Variants in SLC36A1 observed in about 807,000 individuals in gnomAD.
SLC36A1 encodes the protein solute carrier family 36 member 1, also known as proton-coupled amino acid transporter 1.
Under a neutral mutation model 47.5 loss-of-function variants are expected in SLC36A1, and 30 were observed. The observed-to-expected ratio is 0.63, with a 90% CI of 0.47 to 0.86. The LOEUF is 0.86. Ranked by LOEUF, SLC36A1 falls within the 40% of genes least tolerant of loss-of-function variation. The pLI is 0.00. For synonymous variants in SLC36A1, 255 were observed against 249.7 expected (o/e 1.02, Z -0.20); for missense variants, 517 against 606.0 (o/e 0.85, Z 1.54).
the SLC36A1 span, chr5:151,543,657 T>G: frequency 2.5e-6 from 4 of 1,614,102 alleles, no homozygotes; most frequent in Non-Finnish European, 3.4e-6. Flanking sequence ...CATTCTCTGC[T>G]AATTCTGCCT....
chr5:151,554,273 G>C, the SLC36A1 span: 1 of 1,210,220 alleles, frequency 8.3e-7, no homozygotes, highest in South Asian at 1.5e-5. Flanking sequence ...CCTTATGCTG[G>C]TGGGCTGTCT....
At chr5:151,537,743 G>C in the SLC36A1 span, 12 of 1,557,646 alleles carry the variant, frequency 7.7e-6, no homozygotes, top group Admixed American at 3.7e-5. Context: ...TGGGCACTTG[G>C]TATTCAGTAA....
At chr5:151,351,511 G>A in the SLC36A1 span, among the ~76,000 whole-genome samples, 2 of 152,142 alleles carry the variant, frequency 1.3e-5, no homozygotes, top group African/African-American at 4.8e-5. Context: ...CGGATGAGGA[G>A]CGGTCAGTGG....
the SLC36A1 span, among the ~76,000 whole-genome samples, chr5:151,426,613 A>C: frequency 1.3e-5 from 2 of 152,108 alleles, no homozygotes; most frequent in Admixed American, 6.5e-5. Flanking sequence ...TCGGGTGTTA[A>C]ACACCGAGAC....
the SLC36A1 span, among the ~76,000 whole-genome samples, chr5:151,369,635 T>C: frequency 2.0e-5 from 3 of 152,114 alleles, no homozygotes; most frequent in Non-Finnish European, 4.4e-5. Context: ...CACACACCAC[T>C]ATGACTGGCT....
chr5:151,400,063 A>G, the SLC36A1 span, among the ~76,000 whole-genome samples: 1 of 152,142 alleles, frequency 6.6e-6, no homozygotes, highest in Non-Finnish European at 1.5e-5. Context: ...TTACATGGGT[A>G]TATTATTATG....
At chr5:151,431,104 A>G in the SLC36A1 span, 1 of 152,208 alleles carries the variant, frequency 6.6e-6, no homozygotes, top group Non-Finnish European at 1.5e-5. Flanking sequence ...GCATCACTTC[A>G]TGGAGCATTA....
intron 1 of SLC36A1, among the ~76,000 whole-genome samples, chr5:151,453,233 A>T (rs1174361354): frequency 6.6e-6 from 1 of 152,020 alleles, no homozygotes; most frequent in Non-Finnish European, 1.5e-5. Context: ...AAATAAATAA[A>T]ATAAAATAAA....
chr5:151,519,821 A>G, the SLC36A1 span, among the ~76,000 whole-genome samples: 1 of 152,142 alleles, frequency 6.6e-6, no homozygotes, highest in African/African-American at 2.4e-5. Context: ...GTATTTCTTC[A>G]ATGCAAGCCC....
the SLC36A1 span, chr5:151,542,527 G>C: frequency 6.2e-7 from 1 of 1,614,136 alleles, no homozygotes; most frequent in South Asian, 1.1e-5. Flanking sequence ...AGTCTGGCAG[G>C]TCTCACAGTC....
At chr5:151,546,354 G>A in the SLC36A1 span, 1 of 1,597,082 alleles carries the variant, frequency 6.3e-7, no homozygotes, top group Non-Finnish European at 8.5e-7. Context: ...CAGAAGACAA[G>A]ACAAACAAGT....
the SLC36A1 span, chr5:151,505,852 G>T: frequency 6.2e-7 from 1 of 1,610,958 alleles, no homozygotes; most frequent in Non-Finnish European, 8.5e-7. Context: ...CTAGGGGGCC[G>T]AGAGGGCATC....
the SLC36A1 span, chr5:151,507,651 TG>T: frequency 6.5e-7 from 1 of 1,537,864 alleles, no homozygotes; most frequent in Non-Finnish European, 8.8e-7. Context: ...GTCATGAAAT[TG>T]CCCTTTCCAT....
chr5:151,475,199 A>G lies in SLC36A1; in HGVS notation c.823-1391A>G, dbSNP rs983494724. Among the ~76,000 whole-genome samples, 12 of 152,356 alleles carry G rather than the reference A, an allele frequency of 7.9e-5. No homozygotes were observed. The South Asian group carries it at 1.0e-3, about 13-fold the overall frequency. On this transcript the variant is annotated intron_variant, in intron 8 of 10. Transcript: ENST00000243389. ...CTTCAGCAGTGAGAAAGAGATCCCA[A>G]GAACTCAGGACTGGAAAGAAGAGGC...
chr5:151,470,397 T>C (rs1275160538), intron 7 of SLC36A1, among the ~76,000 whole-genome samples: 1 of 152,196 alleles, frequency 6.6e-6, no homozygotes, highest in Non-Finnish European at 1.5e-5. Context: ...AACCAACTGG[T>C]AGTATCCATC....
intron 1 of SLC36A1, among the ~76,000 whole-genome samples, chr5:151,439,242 G>A (rs975716299): frequency 6.6e-6 from 1 of 152,090 alleles, no homozygotes; most frequent in Non-Finnish European, 1.5e-5. Flanking sequence ...TGCCACCCAG[G>A]CCCCTCCCTT....
the SLC36A1 span, among the ~76,000 whole-genome samples, chr5:151,416,248 T>A: frequency 6.6e-6 from 1 of 152,324 alleles, no homozygotes; most frequent in African/African-American, 2.4e-5. Flanking sequence ...CTGTCCTCTT[T>A]GTGTTTACAT....
the SLC36A1 span, chr5:151,529,412 C>T: frequency 1.1e-5 from 18 of 1,610,630 alleles, no homozygotes; most frequent in African/African-American, 2.7e-5. Context: ...CAAGAGGTGA[C>T]AGCAGCAATG....
chr5:151,346,405 G>A, the SLC36A1 span, among the ~76,000 whole-genome samples: 3 of 152,034 alleles, frequency 2.0e-5, no homozygotes, highest in South Asian at 2.1e-4. Context: ...GTGCACCCCC[G>A]AGAAACACAT....
Sources: allele counts gnomAD v4.1 joint callset (sites outside exome capture counted in the v4.1 genomes callset), GRCh38; gene constraint gnomAD v4.1.1; transcripts MANE v1.5; gene names NCBI Gene and HGNC (gene_info 2026-07-23, HGNC 2026-07-21).